The following FHL3 variants were observed in gnomAD, a reference collection of about 807,000 sequenced individuals.
FHL3 encodes the protein four and a half LIM domains 3.
A neutral mutation model predicts 34.3 loss-of-function variants in FHL3; 21 were observed. The ratio of observed to expected loss-of-function variants is 0.61; its 90% CI spans 0.43 to 0.88. The LOEUF (loss-of-function observed/expected upper bound fraction) is 0.88. Among genes scored for constraint, FHL3 ranks in the 40% least tolerant of loss-of-function variants. FHL3 has a pLI of 0.00. For synonymous variants in FHL3, 137 were observed against 144.6 expected (o/e 0.95, Z 0.38); for missense variants, 333 against 373.7 (o/e 0.89, Z 0.90).
At chr1:38,000,157 C>T (rs186252006) in intron 1 of FHL3, among the ~76,000 whole-genome samples, 7 of 152,372 alleles carry the variant, frequency 4.6e-5, no homozygotes, top group Non-Finnish European at 2.9e-5. Context: ...CCCCCCACCC[C>T]CGCTGTGTCA....
At chr1:38,001,048 C>T (rs1646588846) in intron 1 of FHL3, among the ~76,000 whole-genome samples, 1 of 152,228 alleles carries the variant, frequency 6.6e-6, no homozygotes, top group Non-Finnish European at 1.5e-5. Context: ...GAAGTTCAGA[C>T]TCCAGGCACC....
At chr1:38,000,301 G>C (rs1646581020) in intron 1 of FHL3, among the ~76,000 whole-genome samples, 1 of 152,164 alleles carries the variant, frequency 6.6e-6, no homozygotes, top group South Asian at 2.1e-4. Context: ...GGGAACTGGA[G>C]ACAGACTGGG....
intron 1 of FHL3, among the ~76,000 whole-genome samples, chr1:38,002,589 G>C (rs1646606657): frequency 6.9e-6 from 1 of 144,908 alleles, no homozygotes; most frequent in Non-Finnish European, 1.5e-5. Context: ...ACCCAGACTG[G>C]AGCGCAGTTA....
intron 1 of FHL3, among the ~76,000 whole-genome samples, chr1:38,003,925 C>T (rs1646619226): frequency 6.6e-6 from 1 of 152,176 alleles, no homozygotes; most frequent in African/African-American, 2.4e-5. Flanking sequence ...CTTTCCAATG[C>T]CCCATGCCAA....
intron 1 of FHL3, among the ~76,000 whole-genome samples, chr1:38,001,170 G>C (rs1167752123): frequency 6.6e-6 from 1 of 152,232 alleles, no homozygotes; most frequent in Non-Finnish European, 1.5e-5. Flanking sequence ...AGGGGCCAGG[G>C]TCTTTAGAGC....
chr1:37,999,442 G>A lies in FHL3; in HGVS notation c.-20-10C>T, dbSNP rs774050138. ...GCAAGGGGAGAGAACCCTGTTAGGA[G>A]CACAAGGTGGAACTGGGGTCACACA... On this transcript the variant is annotated splice_polypyrimidine_tract_variant and intron_variant, in intron 1 of 5. Transcript: ENST00000373016. The A allele has an allele frequency of 1.2e-5, 19 of 1,611,934 alleles. No homozygotes were observed. Among genetic ancestry groups the A allele is most frequent in the Non-Finnish European group, 1.5e-5 (18 of 1,179,128 alleles).
At chr1:38,005,161 G>A (rs1298127993) in intron 1 of FHL3, among the ~76,000 whole-genome samples, 196 bp downstream of exon 1, 1 of 150,922 alleles carries the variant, frequency 6.6e-6, no homozygotes, top group African/African-American at 2.4e-5. Flanking sequence ...CGCCCCGCCC[G>A]ATAGCCCGGA....
At chr1:37,999,470 G>A (rs1341182399) in intron 1 of FHL3, 38 bp from the exon 2 acceptor site, 8 of 1,597,288 alleles carry the variant, frequency 5.0e-6, no homozygotes, top group Non-Finnish European at 6.8e-6. Flanking sequence ...GTCACACAGA[G>A]AGGCTGTGGC....
intron 1 of FHL3, among the ~76,000 whole-genome samples, chr1:38,001,438 A>T (rs1256215993): frequency 6.6e-6 from 1 of 152,200 alleles, no homozygotes; most frequent in African/African-American, 2.4e-5. Context: ...CCCCTGAGAG[A>T]CAGTCAGCAC....
intron 1 of FHL3, among the ~76,000 whole-genome samples, chr1:38,001,335 C>T (rs1057236284): frequency 2.0e-5 from 3 of 152,244 alleles, no homozygotes; most frequent in African/African-American, 4.8e-5. Context: ...AGGTGGAATG[C>T]GTCCACAGGG....
chr1:37,999,491 G>A (rs1646571822), intron 1 of FHL3, 59 bp from the exon 2 acceptor site: 1 of 1,521,786 alleles, frequency 6.6e-7, no homozygotes. Flanking sequence ...TTGGCTCCTG[G>A]CAAAGAGGCC....
In FHL3 at chr1:37,997,448, C is replaced by G. The variant is rs772076667; in HGVS notation, c.800G>C (p.Gly267Ala). The change falls in exon 6 of 6, where the codon GGA (glycine) becomes GCA (alanine). Residue 267 changes from glycine (G) to alanine (A), a missense_variant. Coordinates refer to ENST00000373016, the MANE Select transcript of FHL3 (RefSeq NM_004468.5). The surrounding 1 kb of genome is among the most constrained non-coding windows in gnomAD (Gnocchi z 4.3). ...SLVGQGFVPD[G>A]DQVLCQGCSQ... ...ACAGCCCTGGCAGAGCACTTGGTCT[C>G]CATCCGGTACGAAGCCCTGGCCCAC... 5.0e-6 allele frequency: 8 copies of G among 1,614,048 alleles called. No homozygotes were observed. Among genetic ancestry groups the G allele is most frequent in the Non-Finnish European group, 6.8e-6 (8 of 1,179,956 alleles).
rs1646569994 is a variant in FHL3 at position 37,999,362 on chromosome 1, G to A, written c.51C>T (p.Arg17=). ...GGCCGCTGTCTGTCTGGATGTACTT[G>A]CGTCCATACAGGGACTCGTTGCATT... is the stretch of plus-strand genomic sequence containing the variant. The part of the protein sequence containing the change: ...CAKCNESLYG[R]KYIQTDSGPY... Residue 17 remains arginine, a synonymous_variant, in exon 2 of 6, where the codon CGC becomes CGT. Transcript: ENST00000373016. The A allele has an allele frequency of 3.1e-6, 5 of 1,614,224 alleles. No individual in the cohort carries two copies. The highest frequency in any genetic ancestry group is 4.2e-6 in the Non-Finnish European group (5 of 1,180,028).
intron 1 of FHL3, among the ~76,000 whole-genome samples, chr1:38,002,693 A>G (rs775698848): frequency 4.0e-5 from 6 of 151,814 alleles, no homozygotes; most frequent in Non-Finnish European, 8.8e-5. Flanking sequence ...GGAGGGCACC[A>G]CCATGCCCAG....
chr1:38,003,157 TCAAAA>T (rs1047837111), intron 1 of FHL3, among the ~76,000 whole-genome samples: 5 of 147,164 alleles, frequency 3.4e-5, no homozygotes, highest in Admixed American at 6.8e-5. Context: ...AAACTCTGTC[TCAAAA>T]CAAAACAAAA....
chr1:37,999,024 C>T lies in FHL3; in HGVS notation c.281G>A (p.Cys94Tyr), dbSNP rs749422889. The T allele has an allele frequency of 1.2e-6, 2 of 1,614,258 alleles. No homozygotes were observed. Among genetic ancestry groups the T allele is most frequent in the South Asian group, 1.1e-5 (1 of 91,086 alleles). ...DSELLCNDCY[C>Y]SAFSSQCSAC... ...GGAGCACTGCGAGGAAAACGCACTG[C>T]AGTAGCAGTCATTGCAGAGCAGCTC... Residue 94 changes from cysteine to tyrosine, a missense_variant, in exon 3 of 6, where the codon TGC becomes TAC. Coordinates refer to ENST00000373016, the MANE Select transcript of FHL3 (RefSeq NM_004468.5).
At chr1:37,998,836 C>T (rs1646562751) in intron 3 of FHL3, 138 bp downstream of exon 3, 1 of 842,252 alleles carries the variant, frequency 1.2e-6, no homozygotes, top group Admixed American at 2.7e-5. Context: ...CAAACAGATC[C>T]CGTATATACT....
chr1:38,000,979 C>T (rs1201053788), intron 1 of FHL3, among the ~76,000 whole-genome samples: 1 of 152,190 alleles, frequency 6.6e-6, no homozygotes, highest in Non-Finnish European at 1.5e-5. Context: ...AAGGAGAAGT[C>T]CTCCTTTTCT....
chr1:38,002,506 T>C, intron 1 of FHL3, among the ~76,000 whole-genome samples: 1 of 151,412 alleles, frequency 6.6e-6, no homozygotes, highest in East Asian at 2.0e-4. Context: ...AGTGCTGGGA[T>C]TACAGGCATG....
Sources: allele counts gnomAD v4.1 joint callset (sites outside exome capture counted in the v4.1 genomes callset), GRCh38; gene constraint gnomAD v4.1.1; non-coding constraint Gnocchi (gnomAD v3.1); transcripts MANE v1.5; gene names NCBI Gene and HGNC (gene_info 2026-07-23, HGNC 2026-07-21).